Variants in SLC39A11 observed in about 807,000 individuals in gnomAD.
SLC39A11 encodes solute carrier family 39 member 11.
Under a neutral mutation model 36.1 loss-of-function variants are expected in SLC39A11, and 33 were observed. The observed-to-expected ratio is 0.91, with a 90% confidence interval of 0.69 to 1.22. The LOEUF (loss-of-function observed/expected upper bound fraction) is 1.22, where lower values mean the gene tolerates loss of function less well. Ranked by LOEUF, SLC39A11 falls within the 50% of genes most tolerant of loss-of-function variation. The pLI is 0.00. For missense variants in SLC39A11, 432 were observed against 430.3 expected (o/e 1.00, Z -0.03); for synonymous variants, 166 against 170.3 (o/e 0.97, Z 0.20).
chr17:72,712,457 T>G (rs1226393729), intron 7 of SLC39A11, among the ~76,000 whole-genome samples: 1 of 151,724 alleles, frequency 6.6e-6, no homozygotes, highest in Non-Finnish European at 1.5e-5. Context: ...TTCTACTGAG[T>G]TTCAGTTAAT....
At chr17:72,718,199 G>A (rs895608083) in intron 7 of SLC39A11, among the ~76,000 whole-genome samples, 5 of 152,160 alleles carry the variant, frequency 3.3e-5, no homozygotes, top group Admixed American at 2.0e-4. Context: ...TGTAATCTCA[G>A]CATTTGGGGA....
At chr17:73,068,010 G>A in intron 3 of SLC39A11, 1 of 1,593,974 alleles carries the variant, frequency 6.3e-7, no homozygotes, top group Non-Finnish European at 8.6e-7. Context: ...GAGGCCACAA[G>A]TTTAAGAAAC....
intron 6 of SLC39A11, among the ~76,000 whole-genome samples, chr17:72,768,331 G>C (rs1315737381): frequency 1.3e-5 from 2 of 152,342 alleles, no homozygotes; most frequent in East Asian, 3.9e-4. Flanking sequence ...GTCTTCTGAA[G>C]TTAGCTCAGC....
chr17:72,861,657 TTATATATATATATATA>T (rs373265286), intron 5 of SLC39A11, among the ~76,000 whole-genome samples: 8 of 50,962 alleles, frequency 1.6e-4, no homozygotes, highest in Admixed American at 2.9e-4. Context: ...ATACAACACA[TTATATATATATATATA>T]TATATATATA....
chr17:72,699,888 G>A (rs924453958), intron 7 of SLC39A11, among the ~76,000 whole-genome samples: 10 of 152,144 alleles, frequency 6.6e-5, no homozygotes, highest in African/African-American at 2.4e-4. Context: ...ACCTACATCC[G>A]CCCCTCTGGA....
chr17:72,971,607 TC>T (rs1466091961), intron 4 of SLC39A11, among the ~76,000 whole-genome samples: 2 of 152,116 alleles, frequency 1.3e-5, no homozygotes, highest in African/African-American at 4.8e-5. Context: ...GAAGCTTGAC[TC>T]CCCGTGAGCA....
chr17:72,802,134 A>G (rs150384428), intron 6 of SLC39A11, among the ~76,000 whole-genome samples: 2 of 152,246 alleles, frequency 1.3e-5, no homozygotes, highest in African/African-American at 4.8e-5. Flanking sequence ...TCCCTGTGTG[A>G]TATCTCCGGG....
chr17:73,017,491 T>C (rs2058205855), intron 4 of SLC39A11, among the ~76,000 whole-genome samples: 1 of 152,158 alleles, frequency 6.6e-6, no homozygotes, highest in Admixed American at 6.5e-5. Context: ...CGCAGGTGGA[T>C]CACCTGAGGT....
At chr17:72,849,610 T>C in intron 6 of SLC39A11, 24 bp downstream of exon 6, 4 of 1,465,376 alleles carry the variant, frequency 2.7e-6, no homozygotes, top group Non-Finnish European at 3.6e-6. Flanking sequence ...GCAGTGGCTG[T>C]CACGCTCACG....
At chr17:72,878,946 T>C (rs1422791094) in intron 5 of SLC39A11, among the ~76,000 whole-genome samples, 5 of 152,266 alleles carry the variant, frequency 3.3e-5, no homozygotes, top group Non-Finnish European at 7.3e-5. Flanking sequence ...TAGACCTTCC[T>C]TGGGTTCAAT....
chr17:72,988,615 A>G (rs1323620307), intron 4 of SLC39A11, among the ~76,000 whole-genome samples: 2 of 152,082 alleles, frequency 1.3e-5, no homozygotes, highest in Non-Finnish European at 2.9e-5. Flanking sequence ...TACCTTTTAA[A>G]CAACAACTCC....
chr17:72,746,737 CAAAAT>C (rs562512378), intron 6 of SLC39A11, among the ~76,000 whole-genome samples: 1 of 151,448 alleles, frequency 6.6e-6, no homozygotes, highest in Non-Finnish European at 1.5e-5. Context: ...GACTCCGTCT[CAAAAT>C]AAAATAAAAT....
At chr17:72,908,595 G>A (rs2082792357) in intron 5 of SLC39A11, among the ~76,000 whole-genome samples, 1 of 152,220 alleles carries the variant, frequency 6.6e-6, no homozygotes, top group African/African-American at 2.4e-5. Context: ...AGGCGGATGG[G>A]TTTCTTTAGG....
At position 72,662,377 on chromosome 17, in the gene SLC39A11, GA is replaced by G. The variant is rs1330893173; in HGVS notation, c.672-13110del. On this transcript the variant is annotated intron_variant, in intron 7 of 9. Transcript: ENST00000255559. ...AGAAAGAAAAGGAAGGGAAGGAAAA[GA>G]AAAGAAAGAAAAGGAAAGAAGGAGG... is the stretch of plus-strand genomic sequence containing the variant. 2.4e-5 allele frequency among the ~76,000 whole-genome samples: 3 copies of G among 124,588 alleles called. No homozygotes were observed. In the East Asian group the frequency reaches 6.8e-4, roughly 28 times the overall value. 81.7% of individuals were successfully genotyped at this position (124,588 alleles called of 152,430 possible). A position where few individuals can be genotyped will look rare whatever the true frequency, so the allele number is the denominator to read the frequency against.
At chr17:72,803,922 A>G (rs1011856300) in intron 6 of SLC39A11, among the ~76,000 whole-genome samples, 2 of 147,288 alleles carry the variant, frequency 1.4e-5, no homozygotes, top group African/African-American at 5.1e-5. Context: ...CACAAGACAA[A>G]CTCTTACACA....
intron 6 of SLC39A11, among the ~76,000 whole-genome samples, chr17:72,801,276 A>G (rs1168363446): frequency 1.3e-5 from 2 of 152,230 alleles, no homozygotes; most frequent in Non-Finnish European, 2.9e-5. Flanking sequence ...GCTGGAGTGC[A>G]GGGCCACAAT....
intron 6 of SLC39A11, among the ~76,000 whole-genome samples, chr17:72,841,225 A>C (rs2078793013): frequency 6.6e-6 from 1 of 152,218 alleles, no homozygotes; most frequent in Non-Finnish European, 1.5e-5. Context: ...CCCCAAAAAG[A>C]ACGCAGTATA....
At chr17:72,649,756 C>G (rs2069765957) in intron 7 of SLC39A11, among the ~76,000 whole-genome samples, 1 of 150,970 alleles carries the variant, frequency 6.6e-6, no homozygotes, top group Non-Finnish European at 1.5e-5. Flanking sequence ...TGATTTCCAG[C>G]TAATTTTTGT....
intron 4 of SLC39A11, among the ~76,000 whole-genome samples, chr17:73,008,215 A>C (rs2090302438): frequency 7.0e-6 from 1 of 143,866 alleles, no homozygotes. Flanking sequence ...GGCTAGCCTC[A>C]AACTCCTTGC....
Sources: gnomAD v4.1 joint callset for allele counts (sites outside exome capture counted in the v4.1 genomes callset) on GRCh38, gnomAD v4.1.1 for gene constraint, MANE v1.5 for transcripts, NCBI Gene and HGNC (gene_info 2026-07-23, HGNC 2026-07-21) for gene names.